IL7: variants seen among roughly 807,000 people sequenced by gnomAD.
IL7 encodes the protein interleukin 7.
IL7 carries 3 observed loss-of-function variants against 21.6 expected under a neutral mutation model. That is an observed-to-expected ratio of 0.14 (90% CI 0.06 to 0.36). IL7 has a LOEUF of 0.36. Ranked by LOEUF, IL7 falls within the 10% of genes least tolerant of loss-of-function variation. The pLI, the probability that IL7 is intolerant of heterozygous loss-of-function variation, is 1.00. For synonymous variants in IL7, 62 were observed against 68.1 expected (o/e 0.91, Z 0.44); for missense variants, 175 against 200.2 (o/e 0.87, Z 0.76).
At chr8:78,737,560 C>T (rs539645372) in intron 4 of IL7, among the ~76,000 whole-genome samples, 2 of 152,140 alleles carry the variant, frequency 1.3e-5, no homozygotes, top group African/African-American at 4.8e-5. Context: ...GACTTGCTTC[C>T]ATCAAGTACA....
chr8:78,755,943 C>T (rs577764905), intron 2 of IL7, among the ~76,000 whole-genome samples: 2 of 152,028 alleles, frequency 1.3e-5, no homozygotes, highest in South Asian at 4.1e-4. Context: ...TTTCCTCATT[C>T]TGTAAGATGA....
chr8:78,748,724 C>T (rs1372546874), intron 2 of IL7, among the ~76,000 whole-genome samples: 2 of 151,940 alleles, frequency 1.3e-5, no homozygotes, highest in African/African-American at 4.8e-5. Context: ...AATAGTAAAG[C>T]CAGAGAGTTA....
intron 1 of IL7, among the ~76,000 whole-genome samples, chr8:78,803,476 A>G (rs950277386): frequency 1.8e-4 from 27 of 152,356 alleles, no homozygotes; most frequent in Non-Finnish European, 3.8e-4. Context: ...GCTTCTAGTG[A>G]AATTTCTTGA....
intron 3 of IL7, among the ~76,000 whole-genome samples, chr8:78,706,483 G>T (rs1193441526): frequency 1.3e-5 from 2 of 152,142 alleles, no homozygotes; most frequent in East Asian, 3.9e-4. Context: ...TTGACCCAAG[G>T]GTTGCAAAGA....
chr8:78,711,745 A>G (rs1310518421), intron 3 of IL7, among the ~76,000 whole-genome samples: 2 of 151,930 alleles, frequency 1.3e-5, no homozygotes, highest in Admixed American at 6.6e-5. Context: ...CCTGCTGTGT[A>G]TAATTTGACA....
intron 2 of IL7, among the ~76,000 whole-genome samples, chr8:78,770,389 G>T (rs180699834): frequency 6.6e-6 from 1 of 152,092 alleles, no homozygotes; most frequent in Admixed American, 6.5e-5. Context: ...TAACCTAATT[G>T]TATCCTTTTG....
chr8:78,769,682 T>C (rs1812885859), intron 2 of IL7, among the ~76,000 whole-genome samples: 1 of 152,128 alleles, frequency 6.6e-6, no homozygotes, highest in African/African-American at 2.4e-5. Context: ...TGGAAAAAAC[T>C]ACTTTTAAGT....
In IL7 at chr8:78,768,078, C is replaced by T. The variant is rs191107063; in HGVS notation, c.148-27996G>A. 6.7e-3 allele frequency among the ~76,000 whole-genome samples: 1,018 copies of T among 152,192 alleles called. 13 individuals are homozygous for T. The highest frequency in any genetic ancestry group is 0.022 in the African/African-American group (893 of 41,512). On this transcript the variant is annotated intron_variant, in intron 2 of 5. Coordinates refer to ENST00000263851, the MANE Select transcript of IL7 (RefSeq NM_000880.4). ...GAATGATGATTTCCAATTTCATCCA[C>T]GTCCCTACAAAGGACATGAACTCAT... is the stretch of plus-strand genomic sequence containing the variant.
intron 3 of IL7, among the ~76,000 whole-genome samples, chr8:78,694,487 A>C (rs947484955): frequency 6.6e-6 from 1 of 152,114 alleles, no homozygotes. Flanking sequence ...TTATTGGCTT[A>C]GTTTGCTTGA....
intron 2 of IL7, among the ~76,000 whole-genome samples, chr8:78,782,606 C>T (rs1813374200): frequency 6.6e-6 from 1 of 152,080 alleles, no homozygotes; most frequent in South Asian, 2.1e-4. Flanking sequence ...GGAGCTCCAT[C>T]CCAGAGGGTT....
rs755806704 is a variant in IL7, at chr8:78,804,955, C to G, written c.-33G>C. On this transcript the variant is annotated 5_prime_UTR_variant, in exon 1 of 6. Transcript: ENST00000263851. The stretch of plus-strand genomic sequence containing the variant: ...GGGAGGCGGGCGTAGTCATGATGAC[C>G]GCAACTGGAGCAGGAGCAAGCTCTC... 2 of 1,608,826 alleles carry G rather than the reference C, an allele frequency of 1.2e-6. No individual in the cohort carries two copies. Among genetic ancestry groups the G allele is most frequent in the South Asian group, 2.2e-5 (2 of 90,442 alleles).
chr8:78,735,291 T>G (rs1811545984), intron 5 of IL7, among the ~76,000 whole-genome samples: 1 of 123,228 alleles, frequency 8.1e-6, no homozygotes, highest in African/African-American at 3.5e-5. Flanking sequence ...TTTTTTTTTT[T>G]TGTTTTTTTT....
At chr8:78,697,314 C>A in intron 3 of IL7, 1 of 1,040,930 alleles carries the variant, frequency 9.6e-7, no homozygotes, top group Non-Finnish European at 1.4e-6. Context: ...AGGCTGAAAT[C>A]CTAAACCCAA....
At chr8:78,693,803 T>A (rs1810302669) in intron 3 of IL7, among the ~76,000 whole-genome samples, 2 of 152,228 alleles carry the variant, frequency 1.3e-5, no homozygotes, top group Admixed American at 1.3e-4. Context: ...ATGAAGTCCT[T>A]GCCCATGCCT....
At chr8:78,750,054 A>G (rs952337510) in intron 2 of IL7, among the ~76,000 whole-genome samples, 1 of 152,064 alleles carries the variant, frequency 6.6e-6, no homozygotes, top group African/African-American at 2.4e-5. Context: ...ACTAATTTCT[A>G]AAAAGCTGAA....
chr8:78,693,814 G>A (rs558295049), intron 3 of IL7, among the ~76,000 whole-genome samples: 119 of 152,194 alleles, frequency 7.8e-4, no homozygotes, highest in Non-Finnish European at 1.5e-3. Flanking sequence ...GCCCATGCCT[G>A]TGTCCTGAAT....
At chr8:78,709,551 T>C (rs1203058397) in intron 3 of IL7, among the ~76,000 whole-genome samples, 3 of 152,066 alleles carry the variant, frequency 2.0e-5, no homozygotes, top group Non-Finnish European at 4.4e-5. Flanking sequence ...ATACTAATTA[T>C]TTGTGTAGGA....
chr8:78,715,666 G>A (rs1213303314), downstream of IL7, among the ~76,000 whole-genome samples: 1 of 152,178 alleles, frequency 6.6e-6, no homozygotes, highest in Non-Finnish European at 1.5e-5. Flanking sequence ...AACTGCAGAT[G>A]TACTAGCAAA....
downstream of IL7, among the ~76,000 whole-genome samples, chr8:78,715,960 A>C (rs996554232): frequency 6.7e-6 from 1 of 149,288 alleles, no homozygotes; most frequent in African/African-American, 2.5e-5. Flanking sequence ...GAATTGCTTG[A>C]ACCTGGGAGG....
Sources: gnomAD v4.1 joint callset for allele counts (sites outside exome capture counted in the v4.1 genomes callset) on GRCh38, gnomAD v4.1.1 for gene constraint, MANE v1.5 for transcripts, NCBI Gene and HGNC (gene_info 2026-07-23, HGNC 2026-07-21) for gene names.